Variants in ATP2B4 observed in about 807,000 individuals in gnomAD.
ATP2B4 encodes the protein plasma membrane calcium-transporting ATPase 4.
Under a neutral mutation model 110.3 loss-of-function variants are expected in ATP2B4, and 39 were observed. The ratio of observed to expected loss-of-function variants is 0.35; its 90% CI spans 0.27 to 0.46. ATP2B4 has a LOEUF of 0.46. ATP2B4 is among the 20% of genes least tolerant of loss of function. ATP2B4 has a pLI of 1.00. For missense variants in ATP2B4, 1,135 were observed against 1,530.9 expected, an observed-to-expected ratio of 0.74 and a Z score of 4.32; for synonymous variants, 538 against 571.7, an observed-to-expected ratio of 0.94 and a Z score of 0.84.
chr1:203,667,564 C>T (rs375327434), intron 1 of ATP2B4, among the ~76,000 whole-genome samples: 3 of 152,140 alleles, frequency 2.0e-5, no homozygotes, highest in South Asian at 2.1e-4. Flanking sequence ...TTCTTCTCCT[C>T]GATATGTTTG....
In ATP2B4 at chr1:203,711,157, T is replaced by G. The variant is rs764649533; in HGVS notation, c.2031+49T>G. On this transcript the variant is annotated intron_variant, in intron 12 of 20. Transcript: ENST00000357681. ...GGAGTCTCAGGAAGTGGGGTACTAG[T>G]TCCCTTTCTAGTTGTGACCCCAGGC... 4 of 1,570,850 alleles carry G rather than the reference T, an allele frequency of 2.5e-6. No individual in the cohort carries two copies. The Admixed American group carries it at 5.0e-5, about 20-fold the overall frequency.
intron 11 of ATP2B4, among the ~76,000 whole-genome samples, chr1:203,710,314 G>A (rs1665969020): frequency 6.6e-6 from 1 of 151,914 alleles, no homozygotes; most frequent in Non-Finnish European, 1.5e-5. Flanking sequence ...AGGTTGCAGT[G>A]AGCTGAGATC....
Position 203,703,817 on chromosome 1 carries a change from A to T in ATP2B4, c.1099+4A>T. The T allele has an allele frequency of 6.2e-7, 1 of 1,613,580 alleles. No individual in the cohort carries two copies. The highest frequency in any genetic ancestry group is 8.5e-7 in the Non-Finnish European group (1 of 1,179,636). On this transcript the variant is annotated splice_donor_region_variant and intron_variant, in intron 8 of 20. Transcript: ENST00000357681. ...GCTGTTCAGATTGGGAAAGCCGGTG[A>T]GTAGGGTAGAGCCTCGTTGTGGTTT...
At chr1:203,647,375 G>A (rs1270371479) in intron 1 of ATP2B4, among the ~76,000 whole-genome samples, 2 of 151,900 alleles carry the variant, frequency 1.3e-5, no homozygotes, top group Non-Finnish European at 2.9e-5. Context: ...CTTTGAGGCT[G>A]TAGTGAGCTC....
At chr1:203,722,750 G>C in intron 18 of ATP2B4, 61 bp downstream of exon 18, 1 of 1,537,552 alleles carries the variant, frequency 6.5e-7, no homozygotes, top group African/African-American at 1.4e-5. Context: ...GAAGCTGGGA[G>C]CCAGGGTTCC....
Position 203,722,653 on chromosome 1 carries a change from C to A in ATP2B4, c.2988C>A (p.Ile996=). Reference sequence around the variant, plus strand: ...TTTCAGGCATCTACCGCAACATTATCTTCTGCTCTGTAGTCTTGGGCACAT... The same window carrying A: ...TTTCAGGCATCTACCGCAACATTATATTCTGCTCTGTAGTCTTGGGCACAT... ...NVFSGIYRNI[I]FCSVVLGTFI... Residue 996 remains isoleucine (I), a synonymous_variant, in exon 18 of 21, where the codon ATC becomes ATA. Transcript: ENST00000357681. The A allele has an allele frequency of 6.2e-7, 1 of 1,614,208 alleles. No homozygotes were observed. The highest frequency in any genetic ancestry group is 8.5e-7 in the Non-Finnish European group (1 of 1,180,042).
chr1:203,704,073 C>T (rs966303673), intron 8 of ATP2B4, among the ~76,000 whole-genome samples: 1 of 152,158 alleles, frequency 6.6e-6, no homozygotes, highest in African/African-American at 2.4e-5. Flanking sequence ...AAACAAAGAG[C>T]ATATATTACA....
At chr1:203,665,711 A>G (rs1664482552) in intron 1 of ATP2B4, among the ~76,000 whole-genome samples, 1 of 151,074 alleles carries the variant, frequency 6.6e-6, no homozygotes, top group South Asian at 2.1e-4. Flanking sequence ...GAGGCAGGAG[A>G]ATCACTTGAA....
chr1:203,645,192 T>A (rs1217141111), intron 1 of ATP2B4, among the ~76,000 whole-genome samples: 1 of 152,214 alleles, frequency 6.6e-6, no homozygotes, highest in Admixed American at 6.5e-5. Flanking sequence ...CTCCCCAGGC[T>A]GGCCAAATCC....
At position 203,710,954 on chromosome 1, in the gene ATP2B4, T is replaced by G; in HGVS notation, c.1877T>G (p.Val626Gly). ...GACAGAGATGATATGGTACGCACTGTCATCGAGCCCATGGCCTGTGATGGA... is the reference window on the plus strand; with the variant it reads ...GACAGAGATGATATGGTACGCACTGGCATCGAGCCCATGGCCTGTGATGGA... ...NKDRDDMVRT[V>G]IEPMACDGLR... The change falls in exon 12 of 21, where the codon GTC becomes GGC. Residue 626 changes from valine (V) to glycine (G), a missense_variant. Physicochemically the swap from Val to Gly is moderately radical, Grantham distance 109. Coordinates refer to ENST00000357681, the MANE Select transcript of ATP2B4 (RefSeq NM_001684.5). 6.2e-7 allele frequency: 1 copy of G among 1,614,134 alleles called. No individual in the cohort carries two copies. The highest frequency in any genetic ancestry group is 8.5e-7 in the Non-Finnish European group (1 of 1,180,004).
rs1300213725 is a variant in ATP2B4 at position 203,669,626 on chromosome 1, GGA to G, written c.-464-13114_-464-13113del. 9.9e-5 allele frequency among the ~76,000 whole-genome samples: 15 copies of G among 152,096 alleles called. No individual in the cohort carries two copies. The South Asian group carries it at 3.1e-3, about 32-fold the overall frequency. ...TAATTTTTGTATATTTAGTAGAGAC[GGA>G]GTTTCTCCATATTGGTCAGGCTGGT... is the stretch of plus-strand genomic sequence containing the variant. On this transcript the variant is annotated intron_variant, in intron 1 of 20. Transcript: ENST00000357681.
At position 203,709,431 on chromosome 1, in the gene ATP2B4, A is replaced by G. The variant is rs776063633; in HGVS notation, c.1688A>G (p.Tyr563Cys). The G allele has an allele frequency of 6.2e-5, 100 of 1,614,110 alleles. No homozygotes were observed. Among genetic ancestry groups the G allele is most frequent in the Non-Finnish European group, 8.3e-5 (98 of 1,180,038 alleles). ...VRNEVPEEKLYKVYTFNSVRK... is the reference protein window; with the variant it reads ...VRNEVPEEKLCKVYTFNSVRK... ...AATGAAGTGCCCGAGGAGAAGCTCT[A>G]CAAGGTGTACACCTTTAACTCAGTG... The change falls in exon 11 of 21, where the codon TAC (tyrosine) becomes TGC (cysteine). Residue 563 changes from tyrosine (Y) to cysteine (C), a missense_variant. Physicochemically the swap from Tyr to Cys is radical, Grantham distance 194 (BLOSUM62 -2). Transcript: ENST00000357681.
At chr1:203,666,455 C>T (rs1469824229) in intron 1 of ATP2B4, among the ~76,000 whole-genome samples, 1 of 152,218 alleles carries the variant, frequency 6.6e-6, no homozygotes, top group Non-Finnish European at 1.5e-5. Flanking sequence ...ATAATTATCT[C>T]ATCTGCCCTC....
At chr1:203,721,992 C>T (rs748669844) in intron 17 of ATP2B4, among the ~76,000 whole-genome samples, 15 of 151,974 alleles carry the variant, frequency 9.9e-5, no homozygotes, top group Non-Finnish European at 1.9e-4. Context: ...AAAAAATTAA[C>T]CTCAGGTCCC....
At chr1:203,724,928 GTGCAGT>G (rs1384433407) in intron 19 of ATP2B4, among the ~76,000 whole-genome samples, 5 of 142,710 alleles carry the variant, frequency 3.5e-5, no homozygotes, top group Non-Finnish European at 7.5e-5. Context: ...CCAGGCTGGA[GTGCAGT>G]TGTGTGATCT....
At position 203,629,939 on chromosome 1, in the gene ATP2B4, C is replaced by T. The variant is rs900133304; in HGVS notation, c.-465+2720C>T. On this transcript the variant is annotated intron_variant, in intron 1 of 20. Transcript: ENST00000357681. This position sits in a 1 kb window ranked among gnomAD's most constrained non-coding sequence, Gnocchi z 4.6. ...TTTGGGGGCCTTGGAATCAGCCTGA[C>T]GCCAGCGAGTTCCTAACCCGCCGTC... Among the ~76,000 whole-genome samples the T allele has an allele frequency of 2.0e-5, 3 of 152,142 alleles. No homozygotes were observed. Among genetic ancestry groups the T allele is most frequent in the African/African-American group, 7.2e-5 (3 of 41,432 alleles).
Position 203,639,692 on chromosome 1 carries a change from G to A in ATP2B4, c.-465+12473G>A, listed in dbSNP as rs1663567786. On this transcript the variant is annotated intron_variant, in intron 1 of 20. Transcript: ENST00000357681. ...TTCTCCTGGACCAGGGCATGGTGCC[G>A]AAGCTGGGTGTGGGTCCAGCCTGGT... is the stretch of plus-strand genomic sequence containing the variant. Among the ~76,000 whole-genome samples the A allele has an allele frequency of 2.0e-5, 3 of 152,220 alleles. No individual in the cohort carries two copies. The South Asian group carries it at 6.2e-4, about 32-fold the overall frequency.
intron 8 of ATP2B4, among the ~76,000 whole-genome samples, chr1:203,705,706 T>C (rs1665830097): frequency 6.6e-6 from 1 of 152,218 alleles, no homozygotes; most frequent in South Asian, 2.1e-4. Context: ...CGTGAGCCAC[T>C]GTACCTGTCC....
In ATP2B4 at chr1:203,652,951, A is replaced by G. The variant is rs562082295; in HGVS notation, c.-465+25732A>G. Among the ~76,000 whole-genome samples the G allele has an allele frequency of 1.2e-4, 19 of 152,332 alleles. No individual in the cohort carries two copies. The South Asian group carries it at 3.7e-3, about 30-fold the overall frequency. ...TGAAAGAAAGAGTCACAGGTCTCTC[A>G]CTAGAAATCAAAAGCTAGAAATGAT... On this transcript the variant is annotated intron_variant, in intron 1 of 20. Transcript: ENST00000357681.
Sources: gnomAD v4.1 joint callset for allele counts (sites outside exome capture counted in the v4.1 genomes callset) on GRCh38, gnomAD v4.1.1 for gene constraint, Gnocchi (gnomAD v3.1) non-coding constraint, MANE v1.5 for transcripts, NCBI Gene and HGNC (gene_info 2026-07-23, HGNC 2026-07-21) for gene names.